Variants in ZNF277 observed in about 807,000 individuals in gnomAD.
The protein encoded by ZNF277 is zinc finger protein 277.
ZNF277 carries 55 observed loss-of-function variants against 60.7 expected under a neutral mutation model. That is an observed-to-expected ratio of 0.91 (90% CI 0.73 to 1.13). The LOEUF (loss-of-function observed/expected upper bound fraction) is 1.13, where lower values mean the gene tolerates loss of function less well. Among genes scored for constraint, ZNF277 ranks in the 50% most tolerant of loss-of-function variants. The pLI, the probability that ZNF277 is intolerant of heterozygous loss-of-function variation, is 0.00. For missense variants in ZNF277, 510 were observed against 523.0 expected (o/e 0.98, Z 0.24); for synonymous variants, 178 against 179.3 (o/e 0.99, Z 0.06).
In ZNF277 at chr7:112,206,824, G is replaced by A. The variant is rs1473193128; in HGVS notation, c.91+17G>A. ...GTTATGGGGGTGAGTACGGTGCCCC[G>A]GAGGCGCGGCTGATGTGTCTTCCTT... On this transcript the variant is annotated intron_variant, in intron 1 of 11. Transcript: ENST00000361822. 6.2e-7 allele frequency: 1 copy of A among 1,610,724 alleles called. No homozygotes were observed. The highest frequency in any genetic ancestry group is 1.1e-5 in the South Asian group (1 of 90,950).
rs960922364 is a variant in ZNF277, at chr7:112,289,030, A to G, written c.293+1956A>G. ...TGCCTGAGACATGTGTACCTGATAA[A>G]TGGTAGATAAAATGCAAAATTTTAT... On this transcript the variant is annotated intron_variant, in intron 2 of 11. Coordinates refer to ENST00000361822, the MANE Select transcript of ZNF277 (RefSeq NM_021994.3). 3.3e-5 allele frequency: 5 copies of G among 151,778 alleles called. 1 individual carries two copies. The highest frequency in any genetic ancestry group is 1.9e-4 in the East Asian group (1 of 5,168). The allele number at this position is 151,778 out of a possible 1,614,324, so 9.4% of individuals were successfully genotyped here.
At position 112,222,610 on chromosome 7, in the gene ZNF277, G is replaced by A. The variant is rs532755758; in HGVS notation, c.91+15803G>A. On this transcript the variant is annotated intron_variant, in intron 1 of 11. Transcript: ENST00000361822. ...GCTTAGCTAAGGGTTTGTCAATTTT[G>A]TGTATCTTTTCCAGAAATCAACTTT... 6.9e-4 allele frequency among the ~76,000 whole-genome samples: 105 copies of A among 152,046 alleles called. 3 individuals carry two copies. In the Middle Eastern group the frequency reaches 0.014, roughly 20 times the overall value.
At position 112,289,610 on chromosome 7, in the gene ZNF277, G is replaced by A. The variant is rs544304394; in HGVS notation, c.293+2536G>A. Among the ~76,000 whole-genome samples, 128 of 152,162 alleles carry A rather than the reference G, an allele frequency of 8.4e-4. 1 individual carries two copies. Among genetic ancestry groups the A allele is most frequent in the Non-Finnish European group, 1.0e-3 (71 of 68,028 alleles). On this transcript the variant is annotated intron_variant, in intron 2 of 11. Transcript: ENST00000361822. Reference sequence around the variant, plus strand: ...CTTATATGCAACCCAGTTATATGTGGTGAGATCTGTTGATTTTGTTTCAGA... The same window carrying A: ...CTTATATGCAACCCAGTTATATGTGATGAGATCTGTTGATTTTGTTTCAGA...
chr7:112,234,859 T>C (rs1456152083), intron 1 of ZNF277, among the ~76,000 whole-genome samples: 2 of 151,980 alleles, frequency 1.3e-5, no homozygotes, highest in Non-Finnish European at 2.9e-5. Flanking sequence ...GCATCTTATA[T>C]ATAAGAGCCA....
chr7:112,338,113 G>C (rs558956583), intron 9 of ZNF277, among the ~76,000 whole-genome samples: 1 of 152,208 alleles, frequency 6.6e-6, no homozygotes, highest in Non-Finnish European at 1.5e-5. Flanking sequence ...CAGGTTCTGA[G>C]TCTTTTTTCC....
intron 1 of ZNF277, among the ~76,000 whole-genome samples, chr7:112,216,531 A>C (rs1044335795): frequency 3.9e-5 from 6 of 152,050 alleles, no homozygotes; most frequent in Non-Finnish European, 5.9e-5. Context: ...GCTGGTCTCG[A>C]ATTTCTGAGC....
At chr7:112,213,861 T>G (rs1821815229) in intron 1 of ZNF277, among the ~76,000 whole-genome samples, 1 of 152,190 alleles carries the variant, frequency 6.6e-6, no homozygotes, top group Non-Finnish European at 1.5e-5. Flanking sequence ...CTGGTAAACC[T>G]CTGAACTTCA....
chr7:112,342,783 C>A lies in ZNF277; in HGVS notation c.*54C>A. 7.3e-7 allele frequency: 1 copy of A among 1,371,094 alleles called. No homozygotes were observed. The highest frequency in any genetic ancestry group is 9.7e-7 in the Non-Finnish European group (1 of 1,036,054). 84.9% of individuals were successfully genotyped at this position (1,371,094 alleles called of 1,614,324 possible). A position where few individuals can be genotyped will look rare whatever the true frequency, so the allele number is the denominator to read the frequency against. ...CACAGAAGCAATTTTTCATGTTTTT[C>A]TCCTATGAGACAGATATGAAAGAAC... On this transcript the variant is annotated 3_prime_UTR_variant, in exon 12 of 12. Coordinates refer to ENST00000361822, the MANE Select transcript of ZNF277 (RefSeq NM_021994.3).
chr7:112,267,207 A>C (rs1325404576), intron 1 of ZNF277, among the ~76,000 whole-genome samples: 1 of 152,174 alleles, frequency 6.6e-6, no homozygotes, highest in African/African-American at 2.4e-5. Flanking sequence ...ATGTATTCTT[A>C]TGTATATTGG....
At chr7:112,293,664 A>G (rs567279511) in intron 2 of ZNF277, among the ~76,000 whole-genome samples, 2 of 152,248 alleles carry the variant, frequency 1.3e-5, no homozygotes, top group African/African-American at 2.4e-5. Context: ...TCTGTTCCAC[A>G]TGGTTTCACA....
In ZNF277 at chr7:112,342,730, G is replaced by C. The variant is rs2117151591; in HGVS notation, c.*1G>C. ...TATTTTGAACCAGTTGCTACTATAA[G>C]AGTACTTGAAAACCTAGAAGAAACT... On this transcript the variant is annotated 3_prime_UTR_variant, in exon 12 of 12. Transcript: ENST00000361822. 6.3e-7 allele frequency: 1 copy of C among 1,584,630 alleles called. No individual in the cohort carries two copies. The highest frequency in any genetic ancestry group is 1.1e-5 in the South Asian group (1 of 87,016).
At chr7:112,311,700 G>A (rs6955623) in intron 4 of ZNF277, among the ~76,000 whole-genome samples, 20,859 of 148,972 alleles carry the variant, frequency 0.14, 1,583 homozygotes, top group South Asian at 0.16. Flanking sequence ...ATGAAGGAAA[G>A]AAAGAGTAAG....
Position 112,251,552 on chromosome 7 carries a change from A to G in ZNF277, c.92-35321A>G, listed in dbSNP as rs1791200356. 2.0e-5 allele frequency among the ~76,000 whole-genome samples: 3 copies of G among 152,310 alleles called. No homozygotes were observed. The South Asian group carries it at 6.2e-4, about 32-fold the overall frequency. On this transcript the variant is annotated intron_variant, in intron 1 of 11. Coordinates refer to ENST00000361822, the MANE Select transcript of ZNF277 (RefSeq NM_021994.3). ...TAAATTACACTGGAAGCTCCTTGAA[A>G]TTAGTTATCTTTCTTTTCCCCAATG...
intron 4 of ZNF277, among the ~76,000 whole-genome samples, chr7:112,314,689 GGGATGCTGA>G (rs1179367266): frequency 6.6e-6 from 1 of 152,056 alleles, no homozygotes; most frequent in African/African-American, 2.4e-5. Flanking sequence ...CCAGCTACTT[GGGATGCTGA>G]GGTGGGAAGA....
chr7:112,286,902 T>G lies in ZNF277; in HGVS notation c.121T>G (p.Ser41Ala). Residue 41 changes from serine to alanine, a missense_variant, in exon 2 of 12, where the codon TCC (serine) becomes GCC (alanine). Ser to Ala is a moderately conservative substitution (Grantham distance 99, BLOSUM62 1). Coordinates refer to ENST00000361822, the MANE Select transcript of ZNF277 (RefSeq NM_021994.3). ...DSKDCILEPL[S>A]LPESPGGTTT... ...TAAGGATTGTATCCTGGAGCCGCTTTCCCTGCCAGAAAGTCCAGGTGGCAC... is the reference window on the plus strand; with the variant it reads ...TAAGGATTGTATCCTGGAGCCGCTTGCCCTGCCAGAAAGTCCAGGTGGCAC... The G allele has an allele frequency of 6.3e-7, 1 of 1,587,216 alleles. No homozygotes were observed. The highest frequency in any genetic ancestry group is 8.6e-7 in the Non-Finnish European group (1 of 1,167,940).
chr7:112,336,314 C>A, intron 8 of ZNF277, 143 bp downstream of exon 8: 1 of 582,988 alleles, frequency 1.7e-6, no homozygotes, highest in Non-Finnish European at 2.7e-6. Flanking sequence ...TGTAATGTGG[C>A]AAAAACTTGA....
chr7:112,227,148 A>G (rs1822196420), intron 1 of ZNF277, among the ~76,000 whole-genome samples: 1 of 152,216 alleles, frequency 6.6e-6, no homozygotes, highest in Non-Finnish European at 1.5e-5. Context: ...ATGGATAGTT[A>G]TCAAAATTAA....
Position 112,288,031 on chromosome 7 carries a change from AT to A in ZNF277, c.293+959del, listed in dbSNP as rs1246930578. On this transcript the variant is annotated intron_variant, in intron 2 of 11. Transcript: ENST00000361822. Reference sequence around the variant, plus strand: ...ATGTCTCATGTTTTAGGCCATAGACATTCTCTGAGTGGGTCCTTCCAGTAAT... The same window carrying A: ...ATGTCTCATGTTTTAGGCCATAGACATCTCTGAGTGGGTCCTTCCAGTAAT... The A allele has an allele frequency of 2.6e-5, 4 of 152,232 alleles. No individual in the cohort carries two copies. The East Asian group carries it at 7.7e-4, about 29-fold the overall frequency. 9.4% of individuals were successfully genotyped at this position (152,232 alleles called of 1,614,324 possible).
intron 1 of ZNF277, among the ~76,000 whole-genome samples, chr7:112,283,169 G>A (rs1354432769): frequency 1.3e-5 from 2 of 152,292 alleles, no homozygotes; most frequent in East Asian, 3.9e-4. Context: ...TGAGCAAGGT[G>A]CCAAAAAATC....
Sources: allele counts gnomAD v4.1 joint callset (sites outside exome capture counted in the v4.1 genomes callset), GRCh38; gene constraint gnomAD v4.1.1; transcripts MANE v1.5; gene names NCBI Gene and HGNC (gene_info 2026-07-23, HGNC 2026-07-21).